DNAH12: variants seen among roughly 807,000 people sequenced by gnomAD.
DNAH12 encodes the protein axonemal beta dynein heavy chain 12.
A neutral mutation model predicts 371.5 loss-of-function variants in DNAH12; 285 were observed. The observed-to-expected ratio is 0.77, with a 90% CI of 0.70 to 0.85. The LOEUF (loss-of-function observed/expected upper bound fraction) is 0.85, where lower values mean the gene tolerates loss of function less well. Among genes scored for constraint, DNAH12 ranks in the 40% least tolerant of loss-of-function variants. The pLI is 0.00. For synonymous variants in DNAH12, 1,200 were observed against 1,213.0 expected (o/e 0.99, Z 0.22); for missense variants, 3,611 against 3,689.4 (o/e 0.98, Z 0.55).
In DNAH12 at chr3:57,309,545, A is replaced by G. The variant is rs1331477319; in HGVS notation, c.11085+121T>C. 5 of 1,001,304 alleles carry G rather than the reference A, an allele frequency of 5.0e-6. No homozygotes were observed. In the African/African-American group the frequency reaches 6.6e-5, roughly 13 times the overall value. 62.0% of individuals were successfully genotyped at this position (1,001,304 alleles called of 1,614,324 possible). On this transcript the variant is annotated intron_variant, in intron 68 of 73. Transcript: ENST00000495027. ...CACCATTTAACGGATTTGGAGGCTA[A>G]TGCTTAGAGAGGCAAAGTTCTTGCT...
chr3:57,389,839 T>TATATATATATATATATATATA (rs1326237791), intron 45 of DNAH12, among the ~76,000 whole-genome samples: 1 of 84,846 alleles, frequency 1.2e-5, no homozygotes, highest in Non-Finnish European at 2.8e-5. Flanking sequence ...TATATATATA[T>TATATATATATATATATATATA]AATACTTTTT....
At position 57,532,733 on chromosome 3, in the gene DNAH12, G is replaced by A. The variant is rs138123395; in HGVS notation, c.171-8849C>T. On this transcript the variant is annotated intron_variant, in intron 2 of 73. Transcript: ENST00000495027. ...AGCTGCCTGGAGCTGGAGGTGGGAT[G>A]ACACAAGCACTGCTATGGCCACCAC... 1.2e-4 allele frequency among the ~76,000 whole-genome samples: 18 copies of A among 152,286 alleles called. 1 individual carries two copies. Among genetic ancestry groups the A allele is most frequent in the African/African-American group, 4.3e-4 (18 of 41,566 alleles).
intron 73 of DNAH12, among the ~76,000 whole-genome samples, chr3:57,294,541 G>A (rs191773716): frequency 6.6e-6 from 1 of 152,206 alleles, no homozygotes; most frequent in East Asian, 1.9e-4. Flanking sequence ...TTAAAGTTCT[G>A]ACCGCTTAGC....
chr3:57,383,449 G>A (rs2063437090), intron 49 of DNAH12, among the ~76,000 whole-genome samples: 2 of 151,938 alleles, frequency 1.3e-5, no homozygotes, highest in African/African-American at 4.8e-5. Context: ...GGAACATAGG[G>A]AGAAGTTACT....
rs1227874540 is a variant in DNAH12 at position 57,457,707 on chromosome 3, C to T, written c.3336+14G>A. 1.3e-6 allele frequency: 2 copies of T among 1,544,198 alleles called. No homozygotes were observed. The highest frequency in any genetic ancestry group is 1.8e-6 in the Non-Finnish European group (2 of 1,141,294). On this transcript the variant is annotated intron_variant, in intron 22 of 73. Coordinates refer to ENST00000495027, the MANE Select transcript of DNAH12 (RefSeq NM_001366028.2). ...GCAGAATATAGGGTATATATCAAAT[C>T]CTAGGAAACACACCAGCCTGGCTGC...
intron 4 of DNAH12, among the ~76,000 whole-genome samples, chr3:57,522,220 T>C (rs9876755): frequency 0.41 from 62,821 of 151,722 alleles, 14,515 homozygotes; most frequent in South Asian, 0.57. Context: ...TGAGACTCCA[T>C]TTCAAAAAAA....
At chr3:57,518,136 T>C (rs1459911818) in intron 4 of DNAH12, among the ~76,000 whole-genome samples, 1 of 152,186 alleles carries the variant, frequency 6.6e-6, no homozygotes, top group Non-Finnish European at 1.5e-5. Flanking sequence ...TAACAGCTGT[T>C]ACATTTTACT....
intron 30 of DNAH12, among the ~76,000 whole-genome samples, chr3:57,434,816 T>C (rs2065068282): frequency 6.6e-6 from 1 of 151,198 alleles, no homozygotes. Flanking sequence ...TATTAGTATA[T>C]AATGACAGGT....
At chr3:57,326,144 T>C (rs998917666) in intron 62 of DNAH12, among the ~76,000 whole-genome samples, 2 of 152,020 alleles carry the variant, frequency 1.3e-5, no homozygotes, top group African/African-American at 4.8e-5. Context: ...TGCAGGATAT[T>C]ATCCAGGAGA....
At chr3:57,335,363 G>A (rs138742485) in intron 60 of DNAH12, among the ~76,000 whole-genome samples, 21 of 152,340 alleles carry the variant, frequency 1.4e-4, no homozygotes, top group Admixed American at 2.6e-4. Context: ...AAGATGAATG[G>A]AAAAGGTGAA....
chr3:57,500,186 A>T (rs1360900865), intron 11 of DNAH12, among the ~76,000 whole-genome samples: 1 of 151,838 alleles, frequency 6.6e-6, no homozygotes, highest in African/African-American at 2.4e-5. Context: ...GATTACAGGC[A>T]TGGACCACCA....
At chr3:57,520,603 C>T (rs1488267031) in intron 4 of DNAH12, among the ~76,000 whole-genome samples, 1 of 151,592 alleles carries the variant, frequency 6.6e-6, no homozygotes, top group African/African-American at 2.4e-5. Context: ...CCACCACGCC[C>T]AGCTAATTTT....
chr3:57,483,228 A>T lies in DNAH12; in HGVS notation c.1650+148T>A, dbSNP rs932629886. On this transcript the variant is annotated intron_variant, in intron 13 of 73. Transcript: ENST00000495027. ...TTATATGCAGAGTCCTGGGGTGCTG[A>T]CAATATCCTATTTCTTGGCCTAGGT... 5 of 882,102 alleles carry T rather than the reference A, an allele frequency of 5.7e-6. No homozygotes were observed. In the African/African-American group the frequency reaches 8.5e-5, roughly 15 times the overall value. The allele number at this position is 882,102 out of a possible 1,614,324, so 54.6% of individuals were successfully genotyped here.
chr3:57,452,775 A>T (rs2153373667), intron 25 of DNAH12, 68 bp downstream of exon 25: 1 of 1,395,222 alleles, frequency 7.2e-7, no homozygotes, highest in Non-Finnish European at 9.6e-7. Flanking sequence ...GTAAGACAAG[A>T]GAGAAAAGAT....
Position 57,293,878 on chromosome 3 carries a change from G to T in DNAH12, c.11786C>A (p.Ser3929Tyr), listed in dbSNP as rs1235500432. 6.5e-7 allele frequency: 1 copy of T among 1,548,882 alleles called. No homozygotes were observed. The highest frequency in any genetic ancestry group is 2.5e-5 in the East Asian group (1 of 40,808). ...RKGTLSTTGHSTNFVIAMLLK... is the reference protein window; with the variant it reads ...RKGTLSTTGHYTNFVIAMLLK... Reference sequence around the variant, plus strand: ...CAACATTGCAATGACAAAGTTAGTAGAATGTCCCGTAGTGGAAAGAGTTCC... The same window carrying T: ...CAACATTGCAATGACAAAGTTAGTATAATGTCCCGTAGTGGAAAGAGTTCC... Residue 3929 changes from serine to tyrosine, a missense_variant, in exon 74 of 74, where the codon TCT (serine) becomes TAT (tyrosine). Coordinates refer to ENST00000495027, the MANE Select transcript of DNAH12 (RefSeq NM_001366028.2).
In DNAH12 at chr3:57,413,732, A is replaced by C; in HGVS notation, c.6020+14T>G. 2 of 1,546,924 alleles carry C rather than the reference A, an allele frequency of 1.3e-6. No homozygotes were observed. Among genetic ancestry groups the C allele is most frequent in the Non-Finnish European group, 1.7e-6 (2 of 1,145,644 alleles). Reference sequence around the variant, plus strand: ...GGTATAACTTCAGCATAACTTATCGAATTAAATAGTTACCAATGTCCACAG... The same window carrying C: ...GGTATAACTTCAGCATAACTTATCGCATTAAATAGTTACCAATGTCCACAG... On this transcript the variant is annotated intron_variant, in intron 39 of 73. Transcript: ENST00000495027.
upstream of DNAH12, among the ~76,000 whole-genome samples, chr3:57,544,684 A>C (rs2069444024): frequency 6.6e-6 from 1 of 152,176 alleles, no homozygotes; most frequent in African/African-American, 2.4e-5. Context: ...ACACCCTGTA[A>C]ATATTGTAAC....
intron 57 of DNAH12, among the ~76,000 whole-genome samples, chr3:57,364,245 G>A (rs2062999337): frequency 6.6e-6 from 1 of 151,980 alleles, no homozygotes; most frequent in South Asian, 2.1e-4. Flanking sequence ...AACAAAAATG[G>A]GATGAAACTT....
chr3:57,454,838 T>G lies in DNAH12; in HGVS notation c.3393A>C (p.Val1131=). The change falls in exon 23 of 74, where the codon GTA becomes GTC. Residue 1131 remains valine (V), a synonymous_variant. Coordinates refer to ENST00000495027, the MANE Select transcript of DNAH12 (RefSeq NM_001366028.2). ...DWVREWPGQV[V]LCISQMFWTS... is the part of the protein sequence containing the mutation. ...TCCAGAACATTTGAGAAATACAAAG[T>G]ACAACTTGGCCAGGCCACTCTCGAA... The G allele has an allele frequency of 6.4e-7, 1 of 1,551,344 alleles. No individual in the cohort carries two copies. The highest frequency in any genetic ancestry group is 8.7e-7 in the Non-Finnish European group (1 of 1,146,760).
Sources: allele counts gnomAD v4.1 joint callset (sites outside exome capture counted in the v4.1 genomes callset), GRCh38; gene constraint gnomAD v4.1.1; transcripts MANE v1.5; gene names NCBI Gene and HGNC (gene_info 2026-07-23, HGNC 2026-07-21).